Variants in CACNA1H observed in about 807,000 individuals in gnomAD.
CACNA1H encodes calcium voltage-gated channel subunit alpha1 H, also known as voltage-dependent T-type calcium channel subunit alpha-1H.
Under a neutral mutation model 192.5 loss-of-function variants are expected in CACNA1H, and 149 were observed. The ratio of observed to expected loss-of-function variants is 0.77; its 90% confidence interval spans 0.68 to 0.89. The LOEUF is 0.89. Among genes scored for constraint, CACNA1H ranks in the 40% least tolerant of loss-of-function variants. The pLI is 0.00. For missense variants in CACNA1H, 4,257 were observed against 3,423.5 expected (o/e 1.24, Z -6.08); for synonymous variants, 2,202 against 1,475.2 (o/e 1.49, Z -11.29).
rs573053685 is a variant in CACNA1H at position 1,187,200 on chromosome 16, C to T, written c.300-7772C>T. The stretch of plus-strand genomic sequence containing the variant: ...TTGAGCGTTCCTGAGAATGAGGGGC[C>T]GGGAGGGGAGGAGGCGGCCAGCGCC... On this transcript the variant is annotated intron_variant, in intron 2 of 34. Transcript: ENST00000348261. 5.3e-5 allele frequency among the ~76,000 whole-genome samples: 8 copies of T among 152,330 alleles called. No individual in the cohort carries two copies. The East Asian group carries it at 5.8e-4, about 11-fold the overall frequency.
intron 5 of CACNA1H, among the ~76,000 whole-genome samples, chr16:1,197,591 C>T (rs1428136993): frequency 6.6e-6 from 1 of 152,204 alleles, no homozygotes; most frequent in African/African-American, 2.4e-5. Context: ...GCTAGGGGTC[C>T]ACTCTGACCT....
chr16:1,188,390 C>G (rs1966271363), intron 2 of CACNA1H, among the ~76,000 whole-genome samples: 2 of 152,190 alleles, frequency 1.3e-5, no homozygotes, highest in Admixed American at 1.3e-4. Flanking sequence ...CCCACAGCAC[C>G]TCAGGGCTCA....
At chr16:1,201,255 G>C (rs1208150860) in intron 8 of CACNA1H, among the ~76,000 whole-genome samples, 2 of 152,172 alleles carry the variant, frequency 1.3e-5, no homozygotes, top group Admixed American at 6.5e-5. Flanking sequence ...GACGTCCCCA[G>C]CTTGTTCTGA....
chr16:1,207,182 G>A (rs1047120183), intron 13 of CACNA1H, 64 bp downstream of exon 13: 54 of 1,546,518 alleles, frequency 3.5e-5, no homozygotes, highest in South Asian at 8.3e-5. Context: ...AGGTGGAGGT[G>A]CCGTCCTGCG....
intron 30 of CACNA1H, among the ~76,000 whole-genome samples, chr16:1,216,173 C>T (rs1329222875): frequency 1.3e-5 from 2 of 152,196 alleles, no homozygotes; most frequent in South Asian, 2.1e-4. Context: ...GCACCCGGCA[C>T]CTCCTCCTGT....
intron 11 of CACNA1H, among the ~76,000 whole-genome samples, 193 bp downstream of exon 11, chr16:1,205,458 A>G (rs970451747): frequency 2.0e-5 from 3 of 152,184 alleles, no homozygotes; most frequent in African/African-American, 7.2e-5. Flanking sequence ...CCCTCCCCAG[A>G]CGCTATGCTT....
intron 2 of CACNA1H, among the ~76,000 whole-genome samples, chr16:1,177,673 C>T (rs1021603158): frequency 6.6e-6 from 1 of 151,968 alleles, no homozygotes; most frequent in Non-Finnish European, 1.5e-5. Context: ...TTTCTCGGTT[C>T]TGGAGGCTGG....
intron 17 of CACNA1H, among the ~76,000 whole-genome samples, chr16:1,209,814 G>A (rs923896354): frequency 6.6e-6 from 1 of 152,212 alleles, no homozygotes; most frequent in Non-Finnish European, 1.5e-5. Context: ...GTGGACTCCA[G>A]CACGGGTCAC....
At chr16:1,207,721 C>A (rs747926652) in intron 14 of CACNA1H, 49 bp from the exon 15 acceptor site, 1 of 1,480,090 alleles carries the variant, frequency 6.8e-7, no homozygotes, top group East Asian at 2.4e-5. Flanking sequence ...CATGAAGGGT[C>A]CCCACTCACG....
chr16:1,211,028 A>C, intron 21 of CACNA1H, 57 bp downstream of exon 21: 2 of 1,557,004 alleles, frequency 1.3e-6, no homozygotes, highest in Non-Finnish European at 1.7e-6. Context: ...CCCTGACGCC[A>C]CTGCCCATTA....
intron 2 of CACNA1H, among the ~76,000 whole-genome samples, chr16:1,172,428 G>A (rs1218783710): frequency 6.6e-6 from 1 of 151,874 alleles, no homozygotes; most frequent in East Asian, 2.0e-4. Context: ...TGGCAGCGCG[G>A]CTGCCCTCAC....
Position 1,206,983 on chromosome 16 carries a change from C to T in CACNA1H, c.2790-18C>T, listed in dbSNP as rs1166997912. ...ACCCCTGCCTCCACCCTCAACACGC[C>T]CCTGCCCCCACCCTCAGCATCCTGG... is the stretch of plus-strand genomic sequence containing the variant. On this transcript the variant is annotated intron_variant, in intron 12 of 34. Transcript: ENST00000348261. 2.0e-6 allele frequency: 3 copies of T among 1,533,944 alleles called. No individual in the cohort carries two copies. The highest frequency in any genetic ancestry group is 1.7e-4 in the Middle Eastern group (1 of 5,934).
chr16:1,192,888 C>T (rs997520329), intron 2 of CACNA1H, among the ~76,000 whole-genome samples: 6 of 152,006 alleles, frequency 3.9e-5, no homozygotes, highest in Admixed American at 6.5e-5. Flanking sequence ...GGTTGGGAGC[C>T]GGCCCAACTT....
In CACNA1H at chr16:1,213,869, A is replaced by C; in HGVS notation, c.4867A>C (p.Ile1623Leu). 2.5e-6 allele frequency: 4 copies of C among 1,610,932 alleles called. No homozygotes were observed. The highest frequency in any genetic ancestry group is 3.4e-6 in the Non-Finnish European group (4 of 1,178,962). The part of the protein sequence containing the change: ...LCTSHYLDLF[I>L]TFIICVNVIT... ...CACCAGCCACTATCTCGACCTCTTC[A>C]TCACCTTCATCATCTGTGTCAACGT... Residue 1623 changes from isoleucine (I) to leucine (L), a missense_variant, in exon 27 of 35, where the codon ATC (isoleucine) becomes CTC (leucine). By Grantham distance (5) the Ile-to-Leu change is conservative (BLOSUM62 2). Coordinates refer to ENST00000348261, the MANE Select transcript of CACNA1H (RefSeq NM_021098.3).
chr16:1,192,751 A>G (rs1966732069), intron 2 of CACNA1H, among the ~76,000 whole-genome samples: 1 of 152,126 alleles, frequency 6.6e-6, no homozygotes, highest in South Asian at 2.1e-4. Flanking sequence ...CTGAGAGCAA[A>G]CATGGGGCAG....
chr16:1,210,969 G>T lies in CACNA1H; in HGVS notation c.4221G>T (p.Leu1407=). The change falls in exon 21 of 35, where the codon CTG becomes CTT. Residue 1407 remains leucine (L), a splice_region_variant and synonymous_variant. Transcript: ENST00000348261. ...VLRLLRTLRP[L]RVISRAPGLK... is the part of the protein sequence containing the mutation. ...GTCTGCTGCGGACCCTGCGGCCTCTGAGGTGGGGGGCTCCCCGTGGGCTCC... is the reference window on the plus strand; with the variant it reads ...GTCTGCTGCGGACCCTGCGGCCTCTTAGGTGGGGGGCTCCCCGTGGGCTCC... 6.3e-7 allele frequency: 1 copy of T among 1,594,116 alleles called. No individual in the cohort carries two copies. Among genetic ancestry groups the T allele is most frequent in the Non-Finnish European group, 8.5e-7 (1 of 1,175,738 alleles).
chr16:1,176,076 C>CGG (rs945901857), intron 2 of CACNA1H, among the ~76,000 whole-genome samples: 1 of 152,234 alleles, frequency 6.6e-6, no homozygotes, highest in African/African-American at 2.4e-5. Flanking sequence ...CCGTGTCTAG[C>CGG]GGGCTCTGAT....
intron 2 of CACNA1H, among the ~76,000 whole-genome samples, chr16:1,176,664 C>A (rs1457847207): frequency 6.6e-6 from 1 of 152,312 alleles, no homozygotes; most frequent in African/African-American, 2.4e-5. Flanking sequence ...TAGCAGTGAG[C>A]AGGGGGCTGA....
Position 1,202,201 on chromosome 16 carries a change from G to A in CACNA1H, c.1751G>A (p.Gly584Glu). 1 of 1,553,244 alleles carries A rather than the reference G, an allele frequency of 6.4e-7. No individual in the cohort carries two copies. The highest frequency in any genetic ancestry group is 1.2e-5 in the South Asian group (1 of 84,300). ...TACCATGCCGACTGCCACATAGAGGGGCCGCAGGAGAGGGCCCGGGTGGCA... is the reference window on the plus strand; with the variant it reads ...TACCATGCCGACTGCCACATAGAGGAGCCGCAGGAGAGGGCCCGGGTGGCA... ...SIYHADCHIE[G>E]PQERARVAHA... is the part of the protein sequence containing the mutation. Residue 584 changes from glycine (G) to glutamate (E), a missense_variant, in exon 9 of 35, where the codon GGG becomes GAG. Physicochemically the swap from Gly to Glu is moderately conservative, Grantham distance 98 (BLOSUM62 -2). Transcript: ENST00000348261.
Sources: allele counts gnomAD v4.1 joint callset (sites outside exome capture counted in the v4.1 genomes callset), GRCh38; gene constraint gnomAD v4.1.1; transcripts MANE v1.5; gene names NCBI Gene and HGNC (gene_info 2026-07-23, HGNC 2026-07-21).